DSCAML1: variants seen among roughly 807,000 people sequenced by gnomAD.
DSCAML1 encodes cell adhesion molecule DSCAML1.
Under a neutral mutation model 200.5 loss-of-function variants are expected in DSCAML1, and 38 were observed. The ratio of observed to expected loss-of-function variants is 0.19; its 90% CI spans 0.15 to 0.25. DSCAML1 has a LOEUF of 0.25. Ranked by LOEUF, DSCAML1 falls within the 10% of genes least tolerant of loss-of-function variation. DSCAML1 has a pLI of 1.00. For synonymous variants in DSCAML1, 1,215 were observed against 1,165.0 expected (o/e 1.04, Z -0.87); for missense variants, 2,223 against 2,858.8 (o/e 0.78, Z 5.07).
intron 3 of DSCAML1, among the ~76,000 whole-genome samples, chr11:117,631,258 T>C (rs2052166977): frequency 6.6e-6 from 1 of 152,154 alleles, no homozygotes; most frequent in Non-Finnish European, 1.5e-5. Flanking sequence ...GGTGGTACTG[T>C]CCCTGCTCAG....
chr11:117,583,584 T>G (rs899972347), intron 3 of DSCAML1, among the ~76,000 whole-genome samples: 3 of 152,156 alleles, frequency 2.0e-5, no homozygotes, highest in Non-Finnish European at 4.4e-5. Flanking sequence ...TTACCCTCCG[T>G]TCTGCATTGC....
intron 15 of DSCAML1, among the ~76,000 whole-genome samples, chr11:117,470,372 G>C (rs546432089): frequency 2.4e-4 from 37 of 151,720 alleles, no homozygotes; most frequent in Non-Finnish European, 4.7e-4. Flanking sequence ...TCAGGAGATC[G>C]AGACCATCCT....
chr11:117,619,822 T>C (rs1012174471), intron 3 of DSCAML1, among the ~76,000 whole-genome samples: 2 of 152,176 alleles, frequency 1.3e-5, no homozygotes, highest in South Asian at 2.1e-4. Context: ...ATGGCCCCTT[T>C]CTACAACAAA....
chr11:117,672,102 G>GGAAAAAAAAAGAAAAAAAA (rs1555196987), intron 3 of DSCAML1, among the ~76,000 whole-genome samples: 56 of 94,480 alleles, frequency 5.9e-4, no homozygotes, highest in Middle Eastern at 5.7e-3. Context: ...CTCCAGCTCA[G>GGAAAAAAAAAGAAAAAAAA]AAAAAAAAAA....
At chr11:117,762,050 T>TACAGCAACCAGTACAG (rs1331207698) in intron 3 of DSCAML1, among the ~76,000 whole-genome samples, 39 of 152,184 alleles carry the variant, frequency 2.6e-4, no homozygotes, top group African/African-American at 9.2e-4. Flanking sequence ...ATCGACTCAC[T>TACAGCAACCAGTACAG]CCACGCGGCA....
intron 8 of DSCAML1, among the ~76,000 whole-genome samples, chr11:117,509,020 G>A (rs770762558): frequency 6.6e-6 from 1 of 152,118 alleles, no homozygotes; most frequent in African/African-American, 2.4e-5. Context: ...CCTCTGTGAA[G>A]GCATTATGCT....
intron 3 of DSCAML1, among the ~76,000 whole-genome samples, chr11:117,564,437 C>A (rs1001109922): frequency 6.6e-6 from 1 of 152,194 alleles, no homozygotes; most frequent in Admixed American, 6.5e-5. Context: ...TGCTCTGGAA[C>A]AATCATCCGC....
intron 3 of DSCAML1, among the ~76,000 whole-genome samples, chr11:117,644,970 C>T (rs949076939): frequency 2.0e-5 from 3 of 152,246 alleles, no homozygotes; most frequent in Non-Finnish European, 2.9e-5. Flanking sequence ...CCGCAGGCCG[C>T]CTCAGAGTCA....
chr11:117,434,437 T>C (rs1157839068), intron 27 of DSCAML1, among the ~76,000 whole-genome samples: 1 of 152,154 alleles, frequency 6.6e-6, no homozygotes. Context: ...ATTCACCCAA[T>C]CATTCCACAA....
intron 3 of DSCAML1, among the ~76,000 whole-genome samples, chr11:117,597,283 G>A (rs148252904): frequency 4.1e-4 from 63 of 152,266 alleles, no homozygotes; most frequent in African/African-American, 1.2e-3. Flanking sequence ...TTTCAGGACC[G>A]GGGACAGCGC....
At chr11:117,533,836 A>G (rs1250955888) in intron 3 of DSCAML1, among the ~76,000 whole-genome samples, 2 of 152,126 alleles carry the variant, frequency 1.3e-5, no homozygotes, top group East Asian at 3.8e-4. Context: ...TAGACTCCCT[A>G]AGCTCATGGA....
At chr11:117,484,135 C>T (rs1285513729) in intron 11 of DSCAML1, among the ~76,000 whole-genome samples, 2 of 151,704 alleles carry the variant, frequency 1.3e-5, no homozygotes, top group Non-Finnish European at 2.9e-5. Flanking sequence ...TTTCTCTCTC[C>T]TAGTTTTAAA....
At chr11:117,601,044 A>G (rs1591310369) in intron 3 of DSCAML1, among the ~76,000 whole-genome samples, 1 of 152,212 alleles carries the variant, frequency 6.6e-6, no homozygotes, top group South Asian at 2.1e-4. Flanking sequence ...TCCCTTGAAA[A>G]GTATTAAAAG....
chr11:117,754,307 C>T (rs2054650778), intron 3 of DSCAML1, among the ~76,000 whole-genome samples: 1 of 152,206 alleles, frequency 6.6e-6, no homozygotes, highest in Admixed American at 6.5e-5. Flanking sequence ...TAATTCAACT[C>T]ACTGCTGTCA....
intron 3 of DSCAML1, among the ~76,000 whole-genome samples, chr11:117,618,574 G>C (rs1003694921): frequency 6.6e-6 from 1 of 151,926 alleles, no homozygotes; most frequent in African/African-American, 2.4e-5. Context: ...CCATCCATCA[G>C]AATAGTGCTG....
intron 3 of DSCAML1, among the ~76,000 whole-genome samples, chr11:117,758,153 T>C (rs530363464): frequency 6.5e-4 from 98 of 151,824 alleles, no homozygotes; most frequent in African/African-American, 2.2e-3. Flanking sequence ...ATACAAAAAT[T>C]AGCTGGGCAT....
intron 3 of DSCAML1, among the ~76,000 whole-genome samples, chr11:117,709,948 C>A (rs1337926215): frequency 6.6e-6 from 1 of 152,202 alleles, no homozygotes; most frequent in Non-Finnish European, 1.5e-5. Context: ...TGGAGACACA[C>A]ACACAAAAAG....
At chr11:117,727,966 AG>A (rs887706633) in intron 3 of DSCAML1, among the ~76,000 whole-genome samples, 1 of 152,262 alleles carries the variant, frequency 6.6e-6, no homozygotes, top group African/African-American at 2.4e-5. Flanking sequence ...ATGAATTTAT[AG>A]AATGTTTTAG....
intron 3 of DSCAML1, among the ~76,000 whole-genome samples, chr11:117,677,231 A>G (rs1406877091): frequency 1.3e-5 from 2 of 152,206 alleles, no homozygotes; most frequent in African/African-American, 4.8e-5. Context: ...GGACCTCTAG[A>G]TTCTAAGAAG....
Sources: allele counts gnomAD v4.1 joint callset (sites outside exome capture counted in the v4.1 genomes callset), GRCh38; gene constraint gnomAD v4.1.1; transcripts MANE v1.5; gene names NCBI Gene and HGNC (gene_info 2026-07-23, HGNC 2026-07-21).